The following CNTN4 variants were observed in gnomAD, a reference collection of about 807,000 sequenced individuals.
CNTN4 encodes contactin-4.
In CNTN4, 77 loss-of-function variants were observed where a neutral mutation model predicts 122.5. The observed-to-expected ratio is 0.63, with a 90% CI of 0.52 to 0.76. The LOEUF is 0.76. Among genes scored for constraint, CNTN4 ranks in the 30% least tolerant of loss-of-function variants. The pLI is 0.00. For missense variants in CNTN4, 1,256 were observed against 1,259.1 expected (o/e 1.00, Z 0.04); for synonymous variants, 512 against 447.0 (o/e 1.15, Z -1.83).
intron 17 of CNTN4, 87 bp downstream of exon 17, chr3:3,034,877 T>G: frequency 3.0e-6 from 4 of 1,327,848 alleles, no homozygotes; most frequent in Non-Finnish European, 4.3e-6. Context: ...AAGTTCTCAT[T>G]CAGACACTAC....
rs543431110 is a variant in CNTN4 at position 2,324,362 on chromosome 3, G to A, written c.-144-14816G>A. Among the ~76,000 whole-genome samples, 9 of 152,198 alleles carry A rather than the reference G, an allele frequency of 5.9e-5. No homozygotes were observed. In the South Asian group the frequency reaches 1.9e-3, roughly 32 times the overall value. ...CACGCACACTCACACTCATACTTTT[G>A]TTCTACATAACATATATATTGTGTA... On this transcript the variant is annotated intron_variant, in intron 2 of 24. Transcript: ENST00000418658.
intron 3 of CNTN4, among the ~76,000 whole-genome samples, chr3:2,464,384 A>C (rs2075423237): frequency 1.3e-5 from 2 of 152,224 alleles, no homozygotes; most frequent in South Asian, 4.1e-4. Context: ...TTGTGCAACT[A>C]GCACTTGTGT....
chr3:2,633,348 C>T (rs1236554779), intron 4 of CNTN4, among the ~76,000 whole-genome samples: 1 of 152,196 alleles, frequency 6.6e-6, no homozygotes, highest in Non-Finnish European at 1.5e-5. Context: ...ACTCCTAAAA[C>T]TCTTTATCAC....
At chr3:2,720,449 A>G (rs2087777089) in intron 4 of CNTN4, among the ~76,000 whole-genome samples, 1 of 152,154 alleles carries the variant, frequency 6.6e-6, no homozygotes, top group Admixed American at 6.5e-5. Flanking sequence ...GTTTTCTGGG[A>G]CTTACACCTG....
chr3:2,943,303 A>G (rs1398531954), intron 13 of CNTN4, among the ~76,000 whole-genome samples: 1 of 152,164 alleles, frequency 6.6e-6, no homozygotes, highest in Admixed American at 6.5e-5. Flanking sequence ...CTAAAACTGA[A>G]TAGCTAAATC....
intron 3 of CNTN4, among the ~76,000 whole-genome samples, chr3:2,433,114 G>A (rs1455246814): frequency 6.6e-6 from 1 of 152,066 alleles, no homozygotes; most frequent in African/African-American, 2.4e-5. Flanking sequence ...GAGCCACAGT[G>A]CCCAGCAAAA....
At chr3:2,448,892 T>C (rs2048723880) in intron 3 of CNTN4, among the ~76,000 whole-genome samples, 1 of 152,146 alleles carries the variant, frequency 6.6e-6, no homozygotes, top group African/African-American at 2.4e-5. Context: ...ACCATATCAA[T>C]ATGAGGTACT....
intron 3 of CNTN4, among the ~76,000 whole-genome samples, chr3:2,567,634 A>G (rs981971291): frequency 6.6e-6 from 1 of 152,194 alleles, no homozygotes; most frequent in Non-Finnish European, 1.5e-5. Context: ...TAGATGGACC[A>G]CACAGCTGGA....
intron 13 of CNTN4, among the ~76,000 whole-genome samples, chr3:2,949,256 A>C (rs1248253902): frequency 6.6e-6 from 1 of 152,182 alleles, no homozygotes; most frequent in African/African-American, 2.4e-5. Flanking sequence ...CCTCAAGCAC[A>C]TTCAAAAAAG....
At chr3:2,782,294 G>C (rs113522944) in intron 6 of CNTN4, among the ~76,000 whole-genome samples, 10 of 151,570 alleles carry the variant, frequency 6.6e-5, no homozygotes, top group African/African-American at 1.9e-4. Flanking sequence ...ATGGTAGGTG[G>C]GGGGGGGCCT....
In CNTN4 at chr3:2,134,913, T is replaced by A. The variant is rs114910493; in HGVS notation, c.-145+34274T>A. Among the ~76,000 whole-genome samples, 158 of 152,300 alleles carry A rather than the reference T, an allele frequency of 1.0e-3. 1 individual carries two copies. Among genetic ancestry groups the A allele is most frequent in the African/African-American group, 3.5e-3 (145 of 41,568 alleles). Reference sequence around the variant, plus strand: ...TTTACTTAGTCTGGAGATTCAAATGTTAACCTCATCCAAAATATCCTCACA... The same window carrying A: ...TTTACTTAGTCTGGAGATTCAAATGATAACCTCATCCAAAATATCCTCACA... On this transcript the variant is annotated intron_variant, in intron 2 of 24. Transcript: ENST00000418658.
intron 2 of CNTN4, among the ~76,000 whole-genome samples, chr3:2,225,836 A>G (rs1303363158): frequency 6.6e-6 from 1 of 152,170 alleles, no homozygotes; most frequent in African/African-American, 2.4e-5. Context: ...GTCATGAAGG[A>G]CTTGAATCTT....
At chr3:2,211,849 A>G (rs1447132733) in intron 2 of CNTN4, among the ~76,000 whole-genome samples, 1 of 152,064 alleles carries the variant, frequency 6.6e-6, no homozygotes, top group African/African-American at 2.4e-5. Flanking sequence ...GCTAAGGCCA[A>G]CTCTCTGACA....
At chr3:2,526,444 T>C (rs1377739415) in intron 3 of CNTN4, among the ~76,000 whole-genome samples, 1 of 152,092 alleles carries the variant, frequency 6.6e-6, no homozygotes, top group Non-Finnish European at 1.5e-5. Flanking sequence ...CTGTAATTGC[T>C]AAAAATCAAA....
chr3:3,001,030 T>G lies in CNTN4; in HGVS notation c.1486+12558T>G, dbSNP rs146252716. ...CCAATAAAAGTATCCGTTTTCTATTTAATCATATGTTGGGATTTGAAGGGG... is the reference window on the plus strand; with the variant it reads ...CCAATAAAAGTATCCGTTTTCTATTGAATCATATGTTGGGATTTGAAGGGG... On this transcript the variant is annotated intron_variant, in intron 14 of 24. Transcript: ENST00000418658. Among the ~76,000 whole-genome samples, 176 of 152,310 alleles carry G rather than the reference T, an allele frequency of 1.2e-3. 1 individual carries two copies. Among genetic ancestry groups the G allele is most frequent in the Non-Finnish European group, 1.3e-3 (88 of 68,022 alleles).
intron 4 of CNTN4, among the ~76,000 whole-genome samples, chr3:2,695,098 C>A (rs1337014302): frequency 6.6e-6 from 1 of 152,072 alleles, no homozygotes; most frequent in Non-Finnish European, 1.5e-5. Flanking sequence ...AGGGGCTGGG[C>A]AAAAAGCACC....
chr3:2,956,011 T>C lies in CNTN4; in HGVS notation c.1358+30232T>C, dbSNP rs148191881. Among the ~76,000 whole-genome samples, 61 of 152,290 alleles carry C rather than the reference T, an allele frequency of 4.0e-4. No individual in the cohort carries two copies. In the East Asian group the frequency reaches 0.012, roughly 29 times the overall value. ...TACATCCATGTTCATTGCAGCATTA[T>C]GCATAATAATCAAAAAGTGGAAACA... On this transcript the variant is annotated intron_variant, in intron 13 of 24. Coordinates refer to ENST00000418658, the MANE Select transcript of CNTN4 (RefSeq NM_175607.3).
intron 2 of CNTN4, among the ~76,000 whole-genome samples, chr3:2,185,461 ACTTAGGGGATTCGAGCT>A (rs2037206941): frequency 1.3e-5 from 2 of 152,100 alleles, no homozygotes; most frequent in Non-Finnish European, 2.9e-5. Context: ...AGGGTCTGAA[ACTTAGGGGATTCGAGCT>A]CTTGCTACCC....
intron 2 of CNTN4, among the ~76,000 whole-genome samples, chr3:2,175,527 A>G (rs2036712778): frequency 6.6e-6 from 1 of 152,210 alleles, no homozygotes; most frequent in Non-Finnish European, 1.5e-5. Flanking sequence ...CCATACAAGA[A>G]AGCTGAAAAA....
Sources: allele counts gnomAD v4.1 joint callset (sites outside exome capture counted in the v4.1 genomes callset), GRCh38; gene constraint gnomAD v4.1.1; transcripts MANE v1.5; gene names NCBI Gene and HGNC (gene_info 2026-07-23, HGNC 2026-07-21).